Variants in RAPGEF5 observed in about 807,000 individuals in gnomAD.
RAPGEF5 encodes the protein Rap guanine nucleotide exchange factor 5.
Under a neutral mutation model 125.2 loss-of-function variants are expected in RAPGEF5, and 65 were observed. The ratio of observed to expected loss-of-function variants is 0.52; its 90% confidence interval spans 0.43 to 0.64. RAPGEF5 has a LOEUF of 0.64. RAPGEF5 is among the 30% of genes least tolerant of loss of function. The probability of loss-of-function intolerance (pLI) is 0.00; values close to 1 mark genes in which losing one functional copy is unlikely to be tolerated. For missense variants in RAPGEF5, 958 were observed against 1,048.1 expected, an observed-to-expected ratio of 0.91 and a Z score of 1.19; for synonymous variants, 391 against 385.9, an observed-to-expected ratio of 1.01 and a Z score of -0.16.
chr7:22,261,896 C>G (rs1235380910), intron 7 of RAPGEF5, among the ~76,000 whole-genome samples: 1 of 151,014 alleles, frequency 6.6e-6, no homozygotes, highest in African/African-American at 2.4e-5. Flanking sequence ...TACCTTATAT[C>G]AAAACTAACT....
chr7:22,247,701 A>G (rs894094777), intron 7 of RAPGEF5, among the ~76,000 whole-genome samples: 1 of 152,074 alleles, frequency 6.6e-6, no homozygotes, highest in Non-Finnish European at 1.5e-5. Flanking sequence ...ATGAAAATGC[A>G]CTAATATAAA....
chr7:22,212,458 A>C (rs748224263), intron 9 of RAPGEF5, among the ~76,000 whole-genome samples: 11 of 152,228 alleles, frequency 7.2e-5, no homozygotes, highest in Non-Finnish European at 1.6e-4. Context: ...AACTGAATTC[A>C]GTCTCTGAGT....
At chr7:22,290,540 T>C (rs1293376700) in intron 6 of RAPGEF5, among the ~76,000 whole-genome samples, 10 of 151,586 alleles carry the variant, frequency 6.6e-5, no homozygotes, top group Non-Finnish European at 1.0e-4. Context: ...GGTCAGGAGA[T>C]CGAGACCATC....
intron 21 of RAPGEF5, 27 bp downstream of exon 21, chr7:22,139,998 C>T: frequency 6.6e-7 from 1 of 1,518,098 alleles, no homozygotes; most frequent in Non-Finnish European, 9.0e-7. Context: ...TTTTATGTGC[C>T]CCTCACCATG....
intron 9 of RAPGEF5, among the ~76,000 whole-genome samples, chr7:22,219,026 T>C (rs1297532195): frequency 6.6e-6 from 1 of 152,138 alleles, no homozygotes; most frequent in African/African-American, 2.4e-5. Flanking sequence ...AGCAATGTTT[T>C]CCCCCTTGGA....
At chr7:22,172,976 T>C (rs187971233) in intron 11 of RAPGEF5, among the ~76,000 whole-genome samples, 5 of 152,364 alleles carry the variant, frequency 3.3e-5, no homozygotes, top group African/African-American at 7.2e-5. Context: ...AATGTGAATA[T>C]TCAACATTTC....
chr7:22,352,701 C>T lies in RAPGEF5; in HGVS notation c.231+4129G>A, dbSNP rs555216470. ...GTTCTCACTGGAGATTGTTAAAGCA[C>T]CAAATCATTACTCTGATAGTTGGTA... On this transcript the variant is annotated intron_variant, in intron 1 of 25. Transcript: ENST00000665637. Among the ~76,000 whole-genome samples, 3 of 152,248 alleles carry T rather than the reference C, an allele frequency of 2.0e-5. 1 individual carries two copies. The highest frequency in any genetic ancestry group is 4.8e-5 in the African/African-American group (2 of 41,540).
intron 6 of RAPGEF5, 65 bp from the exon 7 acceptor site, chr7:22,267,077 C>T: frequency 6.8e-7 from 1 of 1,468,668 alleles, no homozygotes; most frequent in East Asian, 2.3e-5. Context: ...AAAAGCAGTA[C>T]TTTGTTCTTA....
chr7:22,177,495 G>GA (rs1784545101), intron 11 of RAPGEF5, among the ~76,000 whole-genome samples: 1 of 152,228 alleles, frequency 6.6e-6, no homozygotes, highest in Admixed American at 6.5e-5. Context: ...TGGGCAAGGA[G>GA]AAAAAGTAAG....
At chr7:22,265,804 T>C (rs1354613171) in intron 7 of RAPGEF5, among the ~76,000 whole-genome samples, 1 of 152,210 alleles carries the variant, frequency 6.6e-6, no homozygotes, top group Non-Finnish European at 1.5e-5. Flanking sequence ...CAATGTGATT[T>C]TGATTTGCAT....
chr7:22,355,770 G>T (rs1240381050), intron 1 of RAPGEF5, among the ~76,000 whole-genome samples: 2 of 152,076 alleles, frequency 1.3e-5, no homozygotes, highest in East Asian at 1.9e-4. Flanking sequence ...AAAGGAGGGC[G>T]CATGAAAACA....
At chr7:22,338,289 T>G (rs1271376628) in intron 1 of RAPGEF5, among the ~76,000 whole-genome samples, 2 of 152,200 alleles carry the variant, frequency 1.3e-5, no homozygotes, top group East Asian at 3.9e-4. Flanking sequence ...CTAACTCTGG[T>G]GGGTAGACAA....
intron 11 of RAPGEF5, among the ~76,000 whole-genome samples, chr7:22,179,936 C>A (rs537170292): frequency 6.6e-6 from 1 of 152,172 alleles, no homozygotes; most frequent in Non-Finnish European, 1.5e-5. Flanking sequence ...CTATAAGTAT[C>A]CTTAGTCCAG....
chr7:22,294,825 T>C (rs1479709804), intron 5 of RAPGEF5, among the ~76,000 whole-genome samples: 2 of 152,208 alleles, frequency 1.3e-5, no homozygotes, highest in East Asian at 3.8e-4. Flanking sequence ...AAATGTAAGT[T>C]AGTTCATGTC....
At chr7:22,315,201 G>T (rs1430934106) in intron 3 of RAPGEF5, among the ~76,000 whole-genome samples, 169 bp downstream of exon 3, 1 of 152,072 alleles carries the variant, frequency 6.6e-6, no homozygotes, top group Non-Finnish European at 1.5e-5. Context: ...GTAAACAAAT[G>T]CATGACTAAG....
At chr7:22,255,584 G>C (rs1414398318) in intron 7 of RAPGEF5, among the ~76,000 whole-genome samples, 3 of 149,486 alleles carry the variant, frequency 2.0e-5, no homozygotes, top group African/African-American at 7.3e-5. Flanking sequence ...GAATGAGACT[G>C]TCTCAAAACA....
intron 3 of RAPGEF5, among the ~76,000 whole-genome samples, chr7:22,313,727 G>C (rs1016075066): frequency 6.6e-6 from 1 of 152,338 alleles, no homozygotes; most frequent in Admixed American, 6.5e-5. Flanking sequence ...TAAATAAAAT[G>C]AATACTGTGA....
At chr7:22,243,636 GTATATATT>G (rs1354314145) in intron 7 of RAPGEF5, among the ~76,000 whole-genome samples, 1 of 152,096 alleles carries the variant, frequency 6.6e-6, no homozygotes, top group Non-Finnish European at 1.5e-5. Context: ...AATAAGAGTT[GTATATATT>G]TATGGGATAC....
At chr7:22,226,531 G>A (rs1254703959) in intron 8 of RAPGEF5, among the ~76,000 whole-genome samples, 1 of 152,158 alleles carries the variant, frequency 6.6e-6, no homozygotes, top group Non-Finnish European at 1.5e-5. Context: ...AAAAAAGTTA[G>A]ACTATGAAAA....
Sources: gnomAD v4.1 joint callset for allele counts (sites outside exome capture counted in the v4.1 genomes callset) on GRCh38, gnomAD v4.1.1 for gene constraint, MANE v1.5 for transcripts, NCBI Gene and HGNC (gene_info 2026-07-23, HGNC 2026-07-21) for gene names.